Variants in LRFN5 observed in about 807,000 individuals in gnomAD.
LRFN5 encodes the protein leucine rich repeat and fibronectin type III domain containing 5.
In LRFN5, 24 loss-of-function variants were observed where a neutral mutation model predicts 45.6. That is an observed-to-expected ratio of 0.53 (90% CI 0.38 to 0.74). The LOEUF is 0.74. Ranked by LOEUF, LRFN5 falls within the 30% of genes least tolerant of loss-of-function variation. The pLI, the probability that LRFN5 is intolerant of heterozygous loss-of-function variation, is 0.00. For synonymous variants in LRFN5, 340 were observed against 313.8 expected (o/e 1.08, Z -0.88); for missense variants, 776 against 861.5 (o/e 0.90, Z 1.24).
At chr14:41,896,850 TG>T (rs1442868838) in intron 4 of LRFN5, among the ~76,000 whole-genome samples, 5 of 152,096 alleles carry the variant, frequency 3.3e-5, no homozygotes, top group African/African-American at 9.6e-5. Flanking sequence ...CCCAGCACTT[TG>T]GGATGCCAAG....
intron 2 of LRFN5, among the ~76,000 whole-genome samples, chr14:41,783,046 C>G (rs192773127): frequency 2.2e-5 from 3 of 138,094 alleles, no homozygotes; most frequent in African/African-American, 8.2e-5. Context: ...AATCCTTTCT[C>G]GAGATGGTAC....
At chr14:41,873,026 T>C (rs1890070393) in intron 2 of LRFN5, among the ~76,000 whole-genome samples, 2 of 152,218 alleles carry the variant, frequency 1.3e-5, no homozygotes, top group Non-Finnish European at 2.9e-5. Context: ...TTCACTGAGT[T>C]GATGTAGCAT....
chr14:41,813,398 T>C (rs568237307), intron 2 of LRFN5, among the ~76,000 whole-genome samples: 35 of 152,186 alleles, frequency 2.3e-4, no homozygotes, highest in African/African-American at 8.4e-4. Context: ...CCTGTGCCCA[T>C]ATGTTCTCAT....
intron 2 of LRFN5, among the ~76,000 whole-genome samples, chr14:41,823,607 T>C (rs992741027): frequency 2.0e-5 from 3 of 152,118 alleles, no homozygotes; most frequent in African/African-American, 4.8e-5. Context: ...GAAAGCCTGA[T>C]GACTATGTGC....
intron 1 of LRFN5, among the ~76,000 whole-genome samples, chr14:41,674,704 A>AC (rs1033415575): frequency 4.2e-5 from 6 of 142,196 alleles, no homozygotes; most frequent in Admixed American, 7.0e-5. Context: ...CGGGGGGCTG[A>AC]CCCCCCTACC....
At chr14:41,809,824 A>G (rs113318595) in intron 2 of LRFN5, among the ~76,000 whole-genome samples, 5 of 151,910 alleles carry the variant, frequency 3.3e-5, no homozygotes, top group African/African-American at 1.2e-4. Flanking sequence ...TAAAAATACT[A>G]TCTAAAAATA....
chr14:41,872,903 T>C lies in LRFN5; in HGVS notation c.-20-13703T>C, dbSNP rs76165385. On this transcript the variant is annotated intron_variant, in intron 2 of 5. Transcript: ENST00000298119. ...ATATGTGTGCACACAGATATGCGTA[T>C]AGATTTGCATACACAAAAGTATATA... 4.1e-3 allele frequency among the ~76,000 whole-genome samples: 632 copies of C among 152,348 alleles called. 5 individuals carry two copies. The highest frequency in any genetic ancestry group is 0.015 in the African/African-American group (604 of 41,582).
chr14:41,770,104 C>T (rs1886027029), intron 2 of LRFN5, among the ~76,000 whole-genome samples: 1 of 152,224 alleles, frequency 6.6e-6, no homozygotes, highest in African/African-American at 2.4e-5. Flanking sequence ...AGGTGCTTCA[C>T]TCTTTTTAAC....
intron 2 of LRFN5, among the ~76,000 whole-genome samples, chr14:41,769,917 A>G (rs1290844511): frequency 1.3e-5 from 2 of 152,198 alleles, no homozygotes; most frequent in East Asian, 3.9e-4. Flanking sequence ...CATCACTATA[A>G]GGAAATACCC....
chr14:41,820,854 G>A (rs1192471210), intron 2 of LRFN5, among the ~76,000 whole-genome samples: 1 of 151,824 alleles, frequency 6.6e-6, no homozygotes, highest in Non-Finnish European at 1.5e-5. Context: ...TATATCCTGA[G>A]ATATTTTATT....
Position 41,887,965 on chromosome 14 carries a change from T to C in LRFN5, c.1340T>C (p.Phe447Ser). The C allele has an allele frequency of 6.2e-7, 1 of 1,613,306 alleles. No individual in the cohort carries two copies. The highest frequency in any genetic ancestry group is 8.5e-7 in the Non-Finnish European group (1 of 1,179,608). Residue 447 changes from phenylalanine to serine, a missense_variant, in exon 3 of 6, where the codon TTT becomes TCT. Physicochemically the swap from Phe to Ser is radical, Grantham distance 155. Coordinates refer to ENST00000298119, the MANE Select transcript of LRFN5 (RefSeq NM_152447.5). This position sits in a 1 kb window ranked among gnomAD's most constrained non-coding sequence, Gnocchi z 4.8. ...FQRNIPGIRM[F>S]QIQYNGTYDD... is the part of the protein sequence containing the mutation. ...AGAAATATCCCTGGAATACGTATGT[T>C]TCAAATCCAGTACAATGGTACTTAT... is the stretch of plus-strand genomic sequence containing the variant.
chr14:41,867,525 T>A (rs1419914936), intron 2 of LRFN5, among the ~76,000 whole-genome samples: 2 of 152,176 alleles, frequency 1.3e-5, no homozygotes, highest in African/African-American at 2.4e-5. Context: ...CCACTCATTT[T>A]TCCAGACTGC....
intron 1 of LRFN5, among the ~76,000 whole-genome samples, chr14:41,619,798 A>G (rs945553691): frequency 1.3e-5 from 2 of 151,966 alleles, no homozygotes; most frequent in Admixed American, 6.6e-5. Context: ...TTTTCTTGGC[A>G]TATTTCTCAG....
At chr14:41,674,473 C>A (rs1881477273) in intron 1 of LRFN5, among the ~76,000 whole-genome samples, 2 of 141,068 alleles carry the variant, frequency 1.4e-5, no homozygotes, top group East Asian at 2.3e-4. Flanking sequence ...CGCCCCTCAC[C>A]TCCCGGACGG....
intron 1 of LRFN5, among the ~76,000 whole-genome samples, chr14:41,650,885 A>AGAGAGAG (rs1880083017): frequency 9.5e-6 from 1 of 104,908 alleles, no homozygotes; most frequent in Non-Finnish European, 1.9e-5. Context: ...GAGACAGAGA[A>AGAGAGAG]AGAGAGAGAG....
intron 2 of LRFN5, among the ~76,000 whole-genome samples, chr14:41,835,735 C>CAAAAA (rs1167263305): frequency 6.7e-6 from 1 of 148,234 alleles, no homozygotes; most frequent in Non-Finnish European, 1.5e-5. Context: ...TCAAGCAAAA[C>CAAAAA]AAAACAAAAC....
chr14:41,773,577 G>A (rs201564253), intron 2 of LRFN5, among the ~76,000 whole-genome samples: 2 of 151,324 alleles, frequency 1.3e-5, no homozygotes, highest in Non-Finnish European at 2.9e-5. Flanking sequence ...CTCTCTCTCT[G>A]TCTCTTTCTC....
At chr14:41,798,926 G>T (rs905917437) in intron 2 of LRFN5, among the ~76,000 whole-genome samples, 19 of 151,872 alleles carry the variant, frequency 1.3e-4, no homozygotes, top group African/African-American at 4.6e-4. Context: ...TGTAATATAT[G>T]TTTTAATCTT....
chr14:41,894,707 G>T (rs1000179305), intron 4 of LRFN5: 11 of 985,100 alleles, frequency 1.1e-5, no homozygotes, highest in African/African-American at 1.7e-5. Flanking sequence ...AAACATAATT[G>T]TTGCTTAGAT....
Sources: allele counts gnomAD v4.1 joint callset (sites outside exome capture counted in the v4.1 genomes callset), GRCh38; gene constraint gnomAD v4.1.1; non-coding constraint Gnocchi (gnomAD v3.1); transcripts MANE v1.5; gene names NCBI Gene and HGNC (gene_info 2026-07-23, HGNC 2026-07-21).